XIRP2: variants seen among roughly 807,000 people sequenced by gnomAD.
XIRP2 encodes xin actin-binding repeat-containing protein 2.
Under a neutral mutation model 277.0 loss-of-function variants are expected in XIRP2, and 236 were observed. That is an observed-to-expected ratio of 0.85 (90% CI 0.77 to 0.95). The LOEUF is 0.95. Ranked by LOEUF, XIRP2 falls within the 40% of genes least tolerant of loss-of-function variation. XIRP2 has a pLI of 0.00. For missense variants in XIRP2, 4,640 were observed against 4,157.5 expected (o/e 1.12, Z -3.19); for synonymous variants, 1,490 against 1,416.5 (o/e 1.05, Z -1.17).
Position 167,249,142 on chromosome 2 carries a change from G to C in XIRP2, c.7750G>C (p.Glu2584Gln). 1 of 1,613,696 alleles carries C rather than the reference G, an allele frequency of 6.2e-7. No individual in the cohort carries two copies. The highest frequency in any genetic ancestry group is 2.2e-5 in the East Asian group (1 of 44,840). The change falls in exon 9 of 11, where the codon GAA (glutamate) becomes CAA (glutamine). Residue 2584 changes from glutamate to glutamine, a missense_variant. By Grantham distance (29) the Glu-to-Gln change is conservative (BLOSUM62 2). Transcript: ENST00000409195. ...QSQNQHITEVEKEMPLQKTNE... is the reference protein window; with the variant it reads ...QSQNQHITEVQKEMPLQKTNE... ...CCAAAATCAACACATAACAGAGGTG[G>C]AAAAGGAAATGCCATTACAAAAAAC...
chr2:166,942,457 A>T (rs577726414), intron 2 of XIRP2, among the ~76,000 whole-genome samples: 12 of 152,352 alleles, frequency 7.9e-5, no homozygotes, highest in Admixed American at 7.8e-4. Context: ...TATAGGCAAA[A>T]TGAGGTCATT....
chr2:167,229,069 G>A (rs1012262832), intron 5 of XIRP2, among the ~76,000 whole-genome samples: 2 of 152,072 alleles, frequency 1.3e-5, no homozygotes, highest in African/African-American at 4.8e-5. Context: ...AAGACAAAAG[G>A]TCACAGCAAG....
chr2:167,074,011 T>C (rs539791679), intron 2 of XIRP2, among the ~76,000 whole-genome samples: 4 of 152,296 alleles, frequency 2.6e-5, no homozygotes, highest in South Asian at 4.1e-4. Context: ...GAATATTTCT[T>C]TGATACTCCA....
At chr2:166,944,173 ATC>A (rs1685793720) in intron 2 of XIRP2, among the ~76,000 whole-genome samples, 3 of 152,136 alleles carry the variant, frequency 2.0e-5, no homozygotes, top group Non-Finnish European at 1.5e-5. Flanking sequence ...ATTGAATGTA[ATC>A]TGTTAGTATT....
At chr2:167,166,683 C>T (rs180934394) in intron 3 of XIRP2, among the ~76,000 whole-genome samples, 1 of 152,222 alleles carries the variant, frequency 6.6e-6, no homozygotes, top group African/African-American at 2.4e-5. Flanking sequence ...CTCTTTTAAA[C>T]AATCAGATCT....
chr2:167,257,834 A>G, intron 10 of XIRP2, 23 bp from the exon 11 acceptor site: 3 of 1,570,690 alleles, frequency 1.9e-6, no homozygotes, highest in African/African-American at 1.4e-5. Flanking sequence ...CGAACTGCTA[A>G]GTGTTCTTTT....
At chr2:166,895,431 A>C (rs1242000260) in intron 1 of XIRP2, among the ~76,000 whole-genome samples, 1 of 152,136 alleles carries the variant, frequency 6.6e-6, no homozygotes, top group African/African-American at 2.4e-5. Flanking sequence ...GTTTTTGAGG[A>C]TTGCTCCCCC....
rs753522637 is a variant in XIRP2, at chr2:167,258,708, G to A, written c.*891G>A. On this transcript the variant is annotated 3_prime_UTR_variant, in exon 11 of 11. Coordinates refer to ENST00000409195, the MANE Select transcript of XIRP2 (RefSeq NM_152381.6). ...GTAGCAGTCTCATATCTGAATAATT[G>A]CAGGCAGAAGACATCTATTTTAGAA... 6.2e-7 allele frequency: 1 copy of A among 1,613,202 alleles called. No individual in the cohort carries two copies. Among genetic ancestry groups the A allele is most frequent in the East Asian group, 2.2e-5 (1 of 44,818 alleles).
chr2:166,922,414 T>C (rs1445510690), intron 2 of XIRP2, among the ~76,000 whole-genome samples: 1 of 152,126 alleles, frequency 6.6e-6, no homozygotes, highest in Non-Finnish European at 1.5e-5. Flanking sequence ...ATATGCATCT[T>C]TTTTGCAGCA....
chr2:166,912,540 G>T (rs2105347822), intron 2 of XIRP2, among the ~76,000 whole-genome samples: 1 of 152,196 alleles, frequency 6.6e-6, no homozygotes, highest in East Asian at 1.9e-4. Context: ...TATCTTCTTT[G>T]CAATGGGTTT....
intron 2 of XIRP2, among the ~76,000 whole-genome samples, chr2:167,064,929 C>G (rs775641616): frequency 2.6e-5 from 4 of 151,796 alleles, no homozygotes; most frequent in Non-Finnish European, 4.4e-5. Context: ...TTGCTTCTAC[C>G]TTTTGGCTAT....
At chr2:166,913,425 C>T (rs1434945048) in intron 2 of XIRP2, among the ~76,000 whole-genome samples, 1 of 152,070 alleles carries the variant, frequency 6.6e-6, no homozygotes, top group Non-Finnish European at 1.5e-5. Flanking sequence ...GATATAATCT[C>T]CTGGGGTGCC....
chr2:166,984,160 G>A (rs1031825428), intron 2 of XIRP2, among the ~76,000 whole-genome samples: 1 of 152,134 alleles, frequency 6.6e-6, no homozygotes, highest in African/African-American at 2.4e-5. Context: ...AGCTCCACTA[G>A]AAGACTGCAA....
chr2:166,892,979 T>TGC (rs1553467828), intron 1 of XIRP2, among the ~76,000 whole-genome samples: 1 of 145,890 alleles, frequency 6.9e-6, no homozygotes, highest in African/African-American at 2.6e-5. Flanking sequence ...TATATATGTA[T>TGC]ATACACACAC....
chr2:167,061,357 T>C (rs1012216430), intron 2 of XIRP2, among the ~76,000 whole-genome samples: 1 of 152,182 alleles, frequency 6.6e-6, no homozygotes, highest in Non-Finnish European at 1.5e-5. Context: ...CTTTGCCTTA[T>C]TGCTTTCATT....
chr2:167,080,164 A>G (rs1256520708), intron 2 of XIRP2, among the ~76,000 whole-genome samples: 24 of 152,312 alleles, frequency 1.6e-4, no homozygotes, highest in South Asian at 1.0e-3. Context: ...GAAAAGTGGT[A>G]TTTAGCTATT....
chr2:167,012,979 C>A (rs1687723800), intron 2 of XIRP2, among the ~76,000 whole-genome samples: 1 of 150,634 alleles, frequency 6.6e-6, no homozygotes, highest in South Asian at 2.1e-4. Flanking sequence ...ACATGTTCTT[C>A]CTTCTTGGTG....
intron 2 of XIRP2, among the ~76,000 whole-genome samples, chr2:167,104,652 A>G (rs1178455778): frequency 1.3e-5 from 2 of 152,060 alleles, no homozygotes; most frequent in African/African-American, 4.8e-5. Context: ...CTAGTTAAAT[A>G]TTGTGTTTTC....
chr2:167,044,195 C>A (rs567296962), intron 2 of XIRP2, among the ~76,000 whole-genome samples: 3 of 152,036 alleles, frequency 2.0e-5, no homozygotes, highest in Non-Finnish European at 4.4e-5. Context: ...TCAATAGGTA[C>A]AGAAAAGGCT....
Sources: gnomAD v4.1 joint callset for allele counts (sites outside exome capture counted in the v4.1 genomes callset) on GRCh38, gnomAD v4.1.1 for gene constraint, MANE v1.5 for transcripts, NCBI Gene and HGNC (gene_info 2026-07-23, HGNC 2026-07-21) for gene names.